Variants in CEP131 observed in about 807,000 individuals in gnomAD.
CEP131 encodes the protein centrosomal protein 131.
A neutral mutation model predicts 136.8 loss-of-function variants in CEP131; 99 were observed. The ratio of observed to expected loss-of-function variants is 0.72; its 90% confidence interval spans 0.62 to 0.86. CEP131 has a LOEUF of 0.86. Ranked by LOEUF, CEP131 falls within the 40% of genes least tolerant of loss-of-function variation. The probability of loss-of-function intolerance (pLI) is 0.00; values close to 1 mark genes in which losing one functional copy is unlikely to be tolerated. For synonymous variants in CEP131, 646 were observed against 612.7 expected (o/e 1.05, Z -0.80); for missense variants, 1,459 against 1,463.0 (o/e 1.00, Z 0.04).
intron 1 of CEP131, among the ~76,000 whole-genome samples, chr17:81,220,790 C>T (rs968945481): frequency 2.6e-5 from 4 of 151,846 alleles, no homozygotes; most frequent in Admixed American, 1.3e-4. Flanking sequence ...CATGAGCCAC[C>T]GTACCCGGCC....
Position 81,190,782 on chromosome 17 carries a change from G to A in CEP131, c.2964C>T (p.Ser988=), listed in dbSNP as rs754005669. 1.4e-5 allele frequency: 22 copies of A among 1,609,996 alleles called. No individual in the cohort carries two copies. Among genetic ancestry groups the A allele is most frequent in the Admixed American group, 5.0e-5 (3 of 59,714 alleles). The part of the protein sequence containing the change: ...DAQAVNEQLS[S]ERSNLAQVIR... The stretch of plus-strand genomic sequence containing the variant: ...TCACCTGGGCCAGGTTGCTGCGCTC[G>A]CTAGAAAGCTGCTCGTTCACCTGGG... The change falls in exon 24 of 26, where the codon AGC becomes AGT. Residue 988 remains serine (S), a synonymous_variant. Coordinates refer to ENST00000450824, the MANE Select transcript of CEP131 (RefSeq NM_014984.4).
chr17:81,197,612 G>A lies in CEP131; in HGVS notation c.1647+100C>T, dbSNP rs1354746486. The A allele has an allele frequency of 8.3e-6, 12 of 1,453,794 alleles. 1 individual carries two copies. In the Admixed American group the frequency reaches 1.0e-4, roughly 12 times the overall value. The allele number at this position is 1,453,794 out of a possible 1,614,324, so 90.1% of individuals were successfully genotyped here. ...AGAGACCTCCTCCCCCTGGGGGCCA[G>A]GTGCGGGCTGGTGAGGGGCCTCCTC... On this transcript the variant is annotated intron_variant, in intron 13 of 25. Coordinates refer to ENST00000450824, the MANE Select transcript of CEP131 (RefSeq NM_014984.4).
intron 6 of CEP131, among the ~76,000 whole-genome samples, chr17:81,202,977 A>C (rs984755534): frequency 2.3e-5 from 3 of 131,504 alleles, no homozygotes; most frequent in African/African-American, 8.5e-5. Context: ...AAAAAAAAAA[A>C]ATTCCATTGA....
chr17:81,213,494 G>C (rs2062179172), intron 2 of CEP131, among the ~76,000 whole-genome samples: 1 of 151,586 alleles, frequency 6.6e-6, no homozygotes, highest in Admixed American at 6.6e-5. Flanking sequence ...GGGAGGCGGA[G>C]ATTGCAGTGA....
rs1449329176 is a variant in CEP131 at position 81,190,963 on chromosome 17, G to A, written c.2887C>T (p.Leu963=). 1 of 1,605,970 alleles carries A rather than the reference G, an allele frequency of 6.2e-7. No individual in the cohort carries two copies. Among genetic ancestry groups the A allele is most frequent in the Non-Finnish European group, 8.5e-7 (1 of 1,179,874 alleles). ...TGCCGCACAAGGCCCTGCAGACGCAGATTCTCGCCCTCGGCCTCCCCAAGC... is the reference window on the plus strand; with the variant it reads ...TGCCGCACAAGGCCCTGCAGACGCAAATTCTCGCCCTCGGCCTCCCCAAGC... ...GQLGEAEGEN[L]RLQGLVRQKE... is the part of the protein sequence containing the mutation. Residue 963 remains leucine, a synonymous_variant, in exon 23 of 26, where the codon CTG becomes TTG. Transcript: ENST00000450824.
Position 81,189,970 on chromosome 17 carries a change from T to C in CEP131, c.3113A>G (p.Lys1038Arg). The part of the protein sequence containing the change: ...LELEEVHRRV[K>R]TALARKEEAV... ...CTCCTCCTTCCTCGCGAGGGCTGTCTTCACCCTGTGGGTAGTACATGGTAG... is the reference window on the plus strand; with the variant it reads ...CTCCTCCTTCCTCGCGAGGGCTGTCCTCACCCTGTGGGTAGTACATGGTAG... Residue 1038 changes from lysine (K) to arginine (R), a missense_variant, in exon 25 of 26, where the codon AAG becomes AGG. Lys to Arg is a conservative substitution (Grantham distance 26, BLOSUM62 2). This residue lies in a region of CEP131 where 1,026 missense variants were observed against 964.2 expected (regional missense o/e 1.06). Transcript: ENST00000450824. 1 of 1,609,216 alleles carries C rather than the reference T, an allele frequency of 6.2e-7. No homozygotes were observed. The highest frequency in any genetic ancestry group is 1.1e-5 in the South Asian group (1 of 90,748).
At position 81,197,740 on chromosome 17, in the gene CEP131, C is replaced by G; in HGVS notation, c.1619G>C (p.Gly540Ala). The change falls in exon 13 of 26, where the codon GGG becomes GCG. Residue 540 changes from glycine (G) to alanine (A), a missense_variant. Gly to Ala is a moderately conservative substitution (Grantham distance 60). This residue lies in a region of CEP131 where 1,026 missense variants were observed against 964.2 expected (regional missense o/e 1.06). Coordinates refer to ENST00000450824, the MANE Select transcript of CEP131 (RefSeq NM_014984.4). The part of the protein sequence containing the change: ...MSFLDEMEKS[G>A]QDQLDSQQEG... ...CTGCTGGGAGTCCAGCTGGTCCTGCCCAGACTTCTCCATCTCGTCCAAGAA... is the reference window on the plus strand; with the variant it reads ...CTGCTGGGAGTCCAGCTGGTCCTGCGCAGACTTCTCCATCTCGTCCAAGAA... The G allele has an allele frequency of 1.2e-6, 2 of 1,612,710 alleles. No homozygotes were observed. The highest frequency in any genetic ancestry group is 1.7e-6 in the Non-Finnish European group (2 of 1,179,818).
At chr17:81,192,225 C>G (rs1332371385) in intron 21 of CEP131, 93 bp downstream of exon 21, 2 of 1,245,978 alleles carry the variant, frequency 1.6e-6, no homozygotes, top group Non-Finnish European at 1.1e-6. Flanking sequence ...CAGGATGCCA[C>G]AGCAGCAGCA....
intron 3 of CEP131, among the ~76,000 whole-genome samples, chr17:81,207,627 G>C (rs1313486861): frequency 6.6e-6 from 1 of 151,896 alleles, no homozygotes; most frequent in Non-Finnish European, 1.5e-5. Context: ...TGGGATTGCA[G>C]GTGTGAGCCT....
At chr17:81,191,516 A>G (rs574143739) in intron 21 of CEP131, among the ~76,000 whole-genome samples, 181 bp from the exon 22 acceptor site, 1 of 152,270 alleles carries the variant, frequency 6.6e-6, no homozygotes, top group South Asian at 2.1e-4. Flanking sequence ...CAGTGTGGGC[A>G]TAGGCGTACC....
rs867010801 is a variant in CEP131 at position 81,198,234 on chromosome 17, C to T, written c.1351G>A (p.Ala451Thr). 1.4e-5 allele frequency: 23 copies of T among 1,601,882 alleles called. No homozygotes were observed. Among genetic ancestry groups the T allele is most frequent in the East Asian group, 6.8e-5 (3 of 44,216 alleles). Residue 451 changes from alanine (A) to threonine (T), a missense_variant, in exon 12 of 26, where the codon GCC (alanine) becomes ACC (threonine). Ala to Thr is a moderately conservative substitution (Grantham distance 58). Coordinates refer to ENST00000450824, the MANE Select transcript of CEP131 (RefSeq NM_014984.4). ...LEMMAPSRGS[A>T]KSRGPLEELL... ...TCCTCCAGTGGCCCCCTGGACTTGG[C>T]GCTCCCCCTGCTCGGGGCCATCATC...
At chr17:81,214,202 C>T (rs1383072999) in intron 2 of CEP131, among the ~76,000 whole-genome samples, 1 of 152,212 alleles carries the variant, frequency 6.6e-6, no homozygotes, top group East Asian at 1.9e-4. Context: ...CAGGGGAACA[C>T]CCTGCACTTT....
At position 81,207,173 on chromosome 17, in the gene CEP131, G is replaced by C. The variant is rs565133821; in HGVS notation, c.339C>G (p.Ala113=). ...TCTCGCTGGGGGCTGTGCTCAGGCT[G>C]GCAGGCCTCTTTTTCCCACTGGGGC... ...EGSPSGKKRP[A]SLSTAPSEKG... Residue 113 remains alanine (A), a synonymous_variant, in exon 4 of 26, where the codon GCC becomes GCG. Transcript: ENST00000450824. 17 of 1,613,568 alleles carry C rather than the reference G, an allele frequency of 1.1e-5. No homozygotes were observed. In the Middle Eastern group the frequency reaches 8.2e-4, roughly 78 times the overall value.
chr17:81,202,469 C>G (rs1429384737), intron 6 of CEP131, 71 bp from the exon 7 acceptor site: 1 of 1,537,090 alleles, frequency 6.5e-7, no homozygotes, highest in Non-Finnish European at 8.8e-7. Flanking sequence ...GCAGCAGGTG[C>G]CCACTCCCGG....
chr17:81,200,068 C>T (rs2061855934), intron 8 of CEP131: 5 of 608,994 alleles, frequency 8.2e-6, no homozygotes, highest in African/African-American at 1.8e-5. Flanking sequence ...ACAGCTCTGC[C>T]CCCACAGAAC....
At chr17:81,198,838 CA>C (rs1383009260) in intron 11 of CEP131, 38 bp downstream of exon 11, 4 of 1,550,202 alleles carry the variant, frequency 2.6e-6, no homozygotes, top group East Asian at 2.4e-5. Flanking sequence ...CCCTTAAAGC[CA>C]AAAACCATGA....
Position 81,190,949 on chromosome 17 carries a change from G to T in CEP131, c.2901C>A (p.Gly967=), listed in dbSNP as rs1276781649. Residue 967 remains glycine (G), a synonymous_variant, in exon 23 of 26, where the codon GGC becomes GGA. Coordinates refer to ENST00000450824, the MANE Select transcript of CEP131 (RefSeq NM_014984.4). ...EAEGENLRLQ[G]LVRQKERALE... is the part of the protein sequence containing the mutation. ...GCGCCCGCTCCTTCTGCCGCACAAG[G>T]CCCTGCAGACGCAGATTCTCGCCCT... The T allele has an allele frequency of 6.2e-7, 1 of 1,605,290 alleles. No individual in the cohort carries two copies. The highest frequency in any genetic ancestry group is 8.5e-7 in the Non-Finnish European group (1 of 1,179,862).
chr17:81,219,683 G>T lies in CEP131; in HGVS notation c.177+197C>A, dbSNP rs2062340920. ...TGTTGCTGAAAGAATCCAAGCTCTG[G>T]CTTGACTTTCTAGTGATTCAGCACC... On this transcript the variant is annotated intron_variant, in intron 2 of 25. Coordinates refer to ENST00000450824, the MANE Select transcript of CEP131 (RefSeq NM_014984.4). This position sits in a 1 kb window ranked among gnomAD's most constrained non-coding sequence, Gnocchi z 4.0. Among the ~76,000 whole-genome samples the T allele has an allele frequency of 6.6e-6, 1 of 152,122 alleles. No individual in the cohort carries two copies. Among genetic ancestry groups the T allele is most frequent in the African/African-American group, 2.4e-5 (1 of 41,406 alleles).
intron 2 of CEP131, among the ~76,000 whole-genome samples, chr17:81,213,615 AT>A (rs1413266197): frequency 6.6e-6 from 1 of 152,126 alleles, no homozygotes; most frequent in Non-Finnish European, 1.5e-5. Context: ...GTGTAGAAGA[AT>A]TCCAAATAAC....
Sources: allele counts gnomAD v4.1 joint callset (sites outside exome capture counted in the v4.1 genomes callset), GRCh38; gene constraint gnomAD v4.1.1; regional missense constraint gnomAD v4.1.1; non-coding constraint Gnocchi (gnomAD v3.1); transcripts MANE v1.5; gene names NCBI Gene and HGNC (gene_info 2026-07-23, HGNC 2026-07-21).